The following HS6ST3 variants were observed in gnomAD, a reference collection of about 807,000 sequenced individuals.
HS6ST3 encodes the protein heparan sulfate 6-O-sulfotransferase 3.
In HS6ST3, 12 loss-of-function variants were observed where a neutral mutation model predicts 36.7. The observed-to-expected ratio is 0.33, with a 90% confidence interval of 0.21 to 0.53. HS6ST3 has a LOEUF of 0.53. Ranked by LOEUF, HS6ST3 falls within the 20% of genes least tolerant of loss-of-function variation. The probability of loss-of-function intolerance (pLI) is 0.95; values close to 1 mark genes in which losing one functional copy is unlikely to be tolerated. For synonymous variants in HS6ST3, 240 were observed against 257.5 expected, an observed-to-expected ratio of 0.93 and a Z score of 0.65; for missense variants, 584 against 640.9, an observed-to-expected ratio of 0.91 and a Z score of 0.96.
chr13:96,189,136 CTA>C (rs2054277755), intron 1 of HS6ST3, among the ~76,000 whole-genome samples: 1 of 151,958 alleles, frequency 6.6e-6, no homozygotes, highest in Admixed American at 6.6e-5. Flanking sequence ...AATTATAAGA[CTA>C]AAATAAATGA....
intron 1 of HS6ST3, among the ~76,000 whole-genome samples, chr13:96,132,524 G>C (rs2053981294): frequency 6.6e-6 from 1 of 151,796 alleles, no homozygotes; most frequent in Admixed American, 6.6e-5. Flanking sequence ...TTTCAGCTCA[G>C]CCTCTTGAGT....
chr13:96,187,731 C>G (rs2054271070), intron 1 of HS6ST3, among the ~76,000 whole-genome samples: 1 of 152,156 alleles, frequency 6.6e-6, no homozygotes, highest in Non-Finnish European at 1.5e-5. Flanking sequence ...GAGGAACCAC[C>G]CTTTGATTGG....
At chr13:96,424,108 A>G (rs2055574672) in intron 1 of HS6ST3, among the ~76,000 whole-genome samples, 1 of 152,206 alleles carries the variant, frequency 6.6e-6, no homozygotes, top group Non-Finnish European at 1.5e-5. Context: ...GTAATATGAA[A>G]TCCAATTACA....
chr13:96,652,690 A>G (rs2056611716), intron 1 of HS6ST3, among the ~76,000 whole-genome samples: 1 of 152,120 alleles, frequency 6.6e-6, no homozygotes, highest in African/African-American at 2.4e-5. Context: ...GATTGGATTC[A>G]GCAACCCAGG....
At chr13:96,515,994 T>C (rs763174453) in intron 1 of HS6ST3, among the ~76,000 whole-genome samples, 34 of 152,146 alleles carry the variant, frequency 2.2e-4, no homozygotes, top group Non-Finnish European at 4.0e-4. Context: ...AGTTCTTTTG[T>C]TGCATTGTTA....
intron 1 of HS6ST3, among the ~76,000 whole-genome samples, chr13:96,717,327 T>G (rs1470168026): frequency 1.3e-5 from 2 of 152,200 alleles, no homozygotes; most frequent in Non-Finnish European, 2.9e-5. Context: ...CCATTGGCTC[T>G]TCTAGAATTG....
intron 1 of HS6ST3, among the ~76,000 whole-genome samples, chr13:96,612,985 ATCT>A (rs1408727316): frequency 1.3e-5 from 2 of 152,214 alleles, no homozygotes; most frequent in East Asian, 1.9e-4. Context: ...TCTTCCTGTA[ATCT>A]TCTTCCAAAA....
chr13:96,793,722 C>A (rs536533564), intron 1 of HS6ST3, among the ~76,000 whole-genome samples: 5 of 152,186 alleles, frequency 3.3e-5, no homozygotes, highest in African/African-American at 1.2e-4. Flanking sequence ...TTAGACGATG[C>A]ACATTTGATG....
rs1878853622 is a variant in HS6ST3, at chr13:96,833,397, A to C, written c.*199A>C. 3.5e-6 allele frequency: 2 copies of C among 573,064 alleles called. No homozygotes were observed. The highest frequency in any genetic ancestry group is 7.0e-5 in the Admixed American group (2 of 28,580). The allele number at this position is 573,064 out of a possible 1,614,324, so 35.5% of individuals were successfully genotyped here. On this transcript the variant is annotated 3_prime_UTR_variant, in exon 2 of 2. Transcript: ENST00000376705. Reference sequence around the variant, plus strand: ...GTTCTTTTTTTTCTTGACATTTTGCAATTGGTGATATTAAGTAGGGTAGGA... The same window carrying C: ...GTTCTTTTTTTTCTTGACATTTTGCCATTGGTGATATTAAGTAGGGTAGGA...
rs1419097097 is a variant in HS6ST3 at position 96,306,110 on chromosome 13, T to TC, written c.707+214541_707+214542insC. 1.2e-3 allele frequency among the ~76,000 whole-genome samples: 178 copies of TC among 145,562 alleles called. 1 individual carries two copies. Among genetic ancestry groups the TC allele is most frequent in the African/African-American group, 4.7e-3 (175 of 36,968 alleles). Reference sequence around the variant, plus strand: ...CCATGCCCAGCTTTTCTTTTTCTTTTTTTTTTTTTTTTAAGACAGAGTCTC... The same window carrying TC: ...CCATGCCCAGCTTTTCTTTTTCTTTTCTTTTTTTTTTTTAAGACAGAGTCTC... On this transcript the variant is annotated intron_variant, in intron 1 of 1. Transcript: ENST00000376705.
chr13:96,112,578 A>AATATACATATATATAC (rs397773858), intron 1 of HS6ST3, among the ~76,000 whole-genome samples: 4 of 81,248 alleles, frequency 4.9e-5, no homozygotes, highest in Admixed American at 3.3e-4. Context: ...AAAATAAATA[A>AATATACATATATATAC]ATATATATAT....
At chr13:96,596,997 C>T (rs2056404078) in intron 1 of HS6ST3, among the ~76,000 whole-genome samples, 1 of 152,082 alleles carries the variant, frequency 6.6e-6, no homozygotes, top group Non-Finnish European at 1.5e-5. Context: ...TAATACTATG[C>T]AGCCATAAAA....
At position 96,797,114 on chromosome 13, in the gene HS6ST3, C is replaced by A. The variant is rs994637263; in HGVS notation, c.708-35376C>A. On this transcript the variant is annotated intron_variant, in intron 1 of 1. Transcript: ENST00000376705. The stretch of plus-strand genomic sequence containing the variant: ...GAGAAAGAGATCCAGTTGGATGATC[C>A]TTTTAATTATATTTATTGACCCTTC... Among the ~76,000 whole-genome samples the A allele has an allele frequency of 1.2e-4, 19 of 152,172 alleles. 1 individual carries two copies. The highest frequency in any genetic ancestry group is 3.9e-4 in the African/African-American group (16 of 41,538).
chr13:96,591,715 T>C (rs978394573), intron 1 of HS6ST3, among the ~76,000 whole-genome samples: 5 of 152,098 alleles, frequency 3.3e-5, no homozygotes, highest in African/African-American at 1.2e-4. Context: ...TTGCTCTAGC[T>C]AGGACTTCCA....
intron 1 of HS6ST3, among the ~76,000 whole-genome samples, chr13:96,355,358 TACACACACACACACACACAC>T (rs66509801): frequency 8.5e-5 from 12 of 140,580 alleles, no homozygotes; most frequent in African/African-American, 2.1e-4. Context: ...AGTCTATAGT[TACACACACACACACACACAC>T]ACACACACAC....
At chr13:96,422,468 A>G (rs971111837) in intron 1 of HS6ST3, among the ~76,000 whole-genome samples, 1 of 152,236 alleles carries the variant, frequency 6.6e-6, no homozygotes, top group South Asian at 2.1e-4. Flanking sequence ...GGCATGGCAC[A>G]TATGTATCAC....
chr13:96,505,375 G>A (rs1187658771), intron 1 of HS6ST3, among the ~76,000 whole-genome samples: 2 of 152,120 alleles, frequency 1.3e-5, no homozygotes, highest in African/African-American at 4.8e-5. Flanking sequence ...GCCCTTTTAG[G>A]TGGAGGAGCT....
At chr13:96,643,092 C>T (rs2056575890) in intron 1 of HS6ST3, among the ~76,000 whole-genome samples, 1 of 151,988 alleles carries the variant, frequency 6.6e-6, no homozygotes, top group Admixed American at 6.6e-5. Context: ...AGTGACTTTT[C>T]TGAGTAAATT....
At chr13:96,333,235 G>C (rs1377231558) in intron 1 of HS6ST3, among the ~76,000 whole-genome samples, 1 of 152,184 alleles carries the variant, frequency 6.6e-6, no homozygotes, top group Non-Finnish European at 1.5e-5. Flanking sequence ...CTAATATTGA[G>C]AACCATAACT....
Sources: gnomAD v4.1 joint callset for allele counts (sites outside exome capture counted in the v4.1 genomes callset) on GRCh38, gnomAD v4.1.1 for gene constraint, MANE v1.5 for transcripts, NCBI Gene and HGNC (gene_info 2026-07-23, HGNC 2026-07-21) for gene names.